MSH3: variants seen among roughly 807,000 people sequenced by gnomAD.
The protein encoded by MSH3 is DNA mismatch repair protein Msh3.
MSH3 carries 106 observed loss-of-function variants against 123.3 expected under a neutral mutation model. The ratio of observed to expected loss-of-function variants is 0.86; its 90% CI spans 0.73 to 1.01. MSH3 has a LOEUF of 1.01. MSH3 is among the 50% of genes least tolerant of loss of function. MSH3 has a pLI of 0.00. For synonymous variants in MSH3, 515 were observed against 481.4 expected (o/e 1.07, Z -0.91); for missense variants, 1,459 against 1,347.6 (o/e 1.08, Z -1.29).
chr5:80,819,567 A>G (rs530109340), intron 20 of MSH3, among the ~76,000 whole-genome samples: 12 of 150,646 alleles, frequency 8.0e-5, no homozygotes, highest in Non-Finnish European at 1.5e-4. Context: ...GCTCACTGCA[A>G]CCTCCGCCTC....
intron 22 of MSH3, among the ~76,000 whole-genome samples, chr5:80,868,540 T>C (rs1288750649): frequency 6.7e-6 from 1 of 148,650 alleles, no homozygotes; most frequent in Non-Finnish European, 1.5e-5. Context: ...TGTTGCATGT[T>C]TCACTTATAA....
In MSH3 at chr5:80,654,792, C is replaced by A. The variant is rs1749190564; in HGVS notation, c.65C>A (p.Ala22Glu). ...TCCAGCTCAGCCCCTGCGAGGCAAG[C>A]GGTTTTGAGCCGATTCTTCCAGTCT... ...AASSSAPARQ[A>E]VLSRFFQSTG... Residue 22 changes from alanine (A) to glutamate (E), a missense_variant, in exon 1 of 24, where the codon GCG becomes GAG. Ala to Glu is a moderately radical substitution (Grantham distance 107). Coordinates refer to ENST00000265081, the MANE Select transcript of MSH3 (RefSeq NM_002439.5). 1 of 1,606,932 alleles carries A rather than the reference C, an allele frequency of 6.2e-7. No homozygotes were observed.
intron 8 of MSH3, among the ~76,000 whole-genome samples, chr5:80,695,087 GT>G (rs57947652): frequency 0.44 from 50,480 of 115,184 alleles, 9,329 homozygotes; most frequent in East Asian, 0.6. Flanking sequence ...TTTTTTTGTT[GT>G]TTTTTTTTTT....
chr5:80,876,362 G>A lies in MSH3; in HGVS notation c.*500G>A, dbSNP rs547372858. 13 of 183,498 alleles carry A rather than the reference G, an allele frequency of 7.1e-5. No homozygotes were observed. In the South Asian group the frequency reaches 1.5e-3, roughly 21 times the overall value. 11.4% of individuals were successfully genotyped at this position (183,498 alleles called of 1,614,324 possible). A position where few individuals can be genotyped will look rare whatever the true frequency, so the allele number is the denominator to read the frequency against. ...TCATGCCTGTAATCCCAGCACTTTG[G>A]GAGGCCAAGGTAGGCAGATCACCTG... On this transcript the variant is annotated 3_prime_UTR_variant, in exon 24 of 24. Coordinates refer to ENST00000265081, the MANE Select transcript of MSH3 (RefSeq NM_002439.5).
intron 22 of MSH3, among the ~76,000 whole-genome samples, chr5:80,869,841 T>TATACATATATACATATATAC (rs376147429): frequency 7.5e-6 from 1 of 132,524 alleles, no homozygotes; most frequent in African/African-American, 2.9e-5. Context: ...TACATATATA[T>TATACATATATACATATATAC]ACACACACAC....
intron 16 of MSH3, among the ~76,000 whole-genome samples, chr5:80,777,572 A>G (rs768602714): frequency 6.6e-6 from 1 of 152,244 alleles, no homozygotes; most frequent in Non-Finnish European, 1.5e-5. Context: ...CAAGCAAGGC[A>G]TAAATCAGTG....
chr5:80,733,267 ACTGT>A (rs1250172875), intron 10 of MSH3, among the ~76,000 whole-genome samples: 2 of 152,164 alleles, frequency 1.3e-5, no homozygotes, highest in African/African-American at 2.4e-5. Context: ...TGCCAAGATA[ACTGT>A]CTGTGCAAGA....
At chr5:80,729,721 T>A (rs901340878) in intron 10 of MSH3, among the ~76,000 whole-genome samples, 1 of 152,074 alleles carries the variant, frequency 6.6e-6, no homozygotes, top group Non-Finnish European at 1.5e-5. Context: ...TTTTGGAAAT[T>A]TAAAAGCTCA....
At chr5:80,831,832 G>A (rs2112079158) in intron 20 of MSH3, among the ~76,000 whole-genome samples, 1 of 152,238 alleles carries the variant, frequency 6.6e-6, no homozygotes, top group African/African-American at 2.4e-5. Context: ...CTCCAGGTTG[G>A]GCGTGGTGGC....
At chr5:80,689,917 C>T (rs527816405) in intron 8 of MSH3, among the ~76,000 whole-genome samples, 21 of 152,032 alleles carry the variant, frequency 1.4e-4, no homozygotes, top group Admixed American at 5.2e-4. Context: ...GTAGGGGTCT[C>T]GCTCTGCTGT....
chr5:80,822,976 T>G (rs2112068196), intron 20 of MSH3, among the ~76,000 whole-genome samples: 1 of 152,344 alleles, frequency 6.6e-6, no homozygotes, highest in East Asian at 1.9e-4. Context: ...ATTTATTCCA[T>G]CAAACATACT....
intron 14 of MSH3, 108 bp downstream of exon 14, chr5:80,768,228 C>A: frequency 2.0e-6 from 2 of 1,004,900 alleles, no homozygotes; most frequent in South Asian, 1.3e-5. Context: ...ATAGAAGTTG[C>A]ATGAGTACAT....
At chr5:80,713,712 G>T (rs34083145) in intron 8 of MSH3, among the ~76,000 whole-genome samples, 15,906 of 152,172 alleles carry the variant, frequency 0.1, 1,069 homozygotes, top group East Asian at 0.27. Flanking sequence ...ACTACCATTG[G>T]ATACATGTCT....
intron 19 of MSH3, among the ~76,000 whole-genome samples, chr5:80,811,764 AAGG>A (rs1372102559): frequency 6.6e-6 from 1 of 151,746 alleles, no homozygotes; most frequent in East Asian, 1.9e-4. Flanking sequence ...ATTTTTAAAA[AAGG>A]AGATAGACAT....
intron 8 of MSH3, among the ~76,000 whole-genome samples, chr5:80,717,381 C>G (rs1204318294): frequency 2.0e-5 from 3 of 152,142 alleles, no homozygotes; most frequent in Non-Finnish European, 4.4e-5. Context: ...TCCTTCCCAC[C>G]TCAGCCGCCT....
intron 22 of MSH3, among the ~76,000 whole-genome samples, chr5:80,871,495 A>G (rs1472003113): frequency 6.6e-6 from 1 of 152,162 alleles, no homozygotes; most frequent in Non-Finnish European, 1.5e-5. Flanking sequence ...GGCAGCAGCC[A>G]TGTCAAGGCT....
intron 1 of MSH3, chr5:80,655,469 T>C (rs189105596): frequency 2.3e-4 from 48 of 208,882 alleles, no homozygotes; most frequent in East Asian, 2.3e-3. Flanking sequence ...ACTCTTTTTG[T>C]AGTTTAGATT....
At chr5:80,709,209 A>ATGTGTGTGTG (rs139977038) in intron 8 of MSH3, among the ~76,000 whole-genome samples, 241 of 147,110 alleles carry the variant, frequency 1.6e-3, no homozygotes, top group African/African-American at 5.3e-3. Context: ...TAAAATAGAT[A>ATGTGTGTGTG]TGTGTGTGTG....
intron 8 of MSH3, among the ~76,000 whole-genome samples, chr5:80,688,461 GAC>G (rs371643155): frequency 1.3e-5 from 2 of 152,266 alleles, no homozygotes; most frequent in Middle Eastern, 3.4e-3. Context: ...CACTTATGGT[GAC>G]ACGTGTTTGA....
Sources: gnomAD v4.1 joint callset for allele counts (sites outside exome capture counted in the v4.1 genomes callset) on GRCh38, gnomAD v4.1.1 for gene constraint, MANE v1.5 for transcripts, NCBI Gene and HGNC (gene_info 2026-07-23, HGNC 2026-07-21) for gene names.